Variants in LCORL observed in about 807,000 individuals in gnomAD.
LCORL encodes the protein ligand-dependent nuclear receptor corepressor-like protein.
LCORL carries 41 observed loss-of-function variants against 141.8 expected under a neutral mutation model. The observed-to-expected ratio is 0.29, with a 90% CI of 0.23 to 0.38. LCORL has a LOEUF of 0.38. LCORL is among the 10% of genes least tolerant of loss of function. The pLI is 1.00. For synonymous variants in LCORL, 618 were observed against 694.1 expected, an observed-to-expected ratio of 0.89 and a Z score of 1.72; for missense variants, 1,759 against 2,035.0, an observed-to-expected ratio of 0.86 and a Z score of 2.61.
intron 1 of LCORL, among the ~76,000 whole-genome samples, chr4:17,973,887 T>C (rs375453940): frequency 6.6e-6 from 1 of 152,054 alleles, no homozygotes; most frequent in African/African-American, 2.4e-5. Flanking sequence ...AAACATGAAC[T>C]ACTGATGCAT....
chr4:17,968,807 C>T (rs1715407224), intron 2 of LCORL, among the ~76,000 whole-genome samples: 1 of 151,958 alleles, frequency 6.6e-6, no homozygotes, highest in African/African-American at 2.4e-5. Flanking sequence ...ACTTTTTTAA[C>T]CATTAAAAAA....
In LCORL at chr4:18,014,782, T is replaced by G. The variant is rs187952480; in HGVS notation, c.154+6816A>C. On this transcript the variant is annotated intron_variant, in intron 1 of 7. Transcript: ENST00000635767. Reference sequence around the variant, plus strand: ...CATTAGTTTGTTAATCAGTTTTCTATGGGTAGCAGTAGGCTGGTCTGGGCC... The same window carrying G: ...CATTAGTTTGTTAATCAGTTTTCTAGGGGTAGCAGTAGGCTGGTCTGGGCC... Among the ~76,000 whole-genome samples, 323 of 152,362 alleles carry G rather than the reference T, an allele frequency of 2.1e-3. 1 individual carries two copies. The highest frequency in any genetic ancestry group is 3.6e-3 in the Non-Finnish European group (245 of 68,034).
chr4:17,970,347 C>T (rs1471262546), intron 2 of LCORL, among the ~76,000 whole-genome samples: 1 of 152,186 alleles, frequency 6.6e-6, no homozygotes, highest in Non-Finnish European at 1.5e-5. Context: ...AGCTATAAAA[C>T]AGCTAACCTG....
At chr4:18,002,722 A>G (rs1307288066) in intron 1 of LCORL, among the ~76,000 whole-genome samples, 4 of 152,204 alleles carry the variant, frequency 2.6e-5, no homozygotes, top group African/African-American at 9.6e-5. Context: ...ATTGAGATTC[A>G]TTATGCTTTC....
At chr4:17,943,248 A>G (rs557305195) in intron 4 of LCORL, among the ~76,000 whole-genome samples, 16 of 152,292 alleles carry the variant, frequency 1.1e-4, no homozygotes, top group Middle Eastern at 6.8e-3. Flanking sequence ...GAGACTAAAC[A>G]CTAAACCTTA....
intron 5 of LCORL, chr4:17,893,540 A>G (rs1277650975): frequency 1.0e-6 from 1 of 985,238 alleles, no homozygotes; most frequent in Non-Finnish European, 1.2e-6. Flanking sequence ...ATTCTTCAGA[A>G]AATGGTTTGG....
intron 4 of LCORL, among the ~76,000 whole-genome samples, chr4:17,939,773 T>C (rs926188714): frequency 2.0e-5 from 3 of 151,644 alleles, no homozygotes; most frequent in Non-Finnish European, 4.4e-5. Context: ...TAGAAAAGAA[T>C]AATGAAAGAG....
At chr4:17,918,399 C>CA (rs918593331) in intron 4 of LCORL, among the ~76,000 whole-genome samples, 7 of 150,850 alleles carry the variant, frequency 4.6e-5, no homozygotes, top group Non-Finnish European at 1.0e-4. Flanking sequence ...ACTTATTAGA[C>CA]AAAAAAAACT....
intron 4 of LCORL, among the ~76,000 whole-genome samples, chr4:17,917,475 G>A (rs1733636564): frequency 6.6e-6 from 1 of 152,274 alleles, no homozygotes; most frequent in Non-Finnish European, 1.5e-5. Context: ...TTACAGGCAT[G>A]AGCCACTGCG....
chr4:17,994,387 C>G (rs1342435877), intron 1 of LCORL, among the ~76,000 whole-genome samples: 1 of 152,146 alleles, frequency 6.6e-6, no homozygotes, highest in Non-Finnish European at 1.5e-5. Flanking sequence ...AATGTGGATA[C>G]TTCAGGTATT....
chr4:18,020,397 A>G (rs1286067374), intron 1 of LCORL: 1 of 151,870 alleles, frequency 6.6e-6, no homozygotes, highest in East Asian at 1.9e-4. Flanking sequence ...GCCACTATCC[A>G]CTGCTTACAC....
exon 8 of LCORL, chr4:17,843,172 C>A: frequency 1.0e-6 from 1 of 987,644 alleles, no homozygotes; most frequent in Non-Finnish European, 1.5e-6. Flanking sequence ...TAGTTTTAAG[C>A]TAAGTCAATG....
intron 5 of LCORL, among the ~76,000 whole-genome samples, chr4:17,908,401 C>CT (rs1732000211): frequency 1.3e-5 from 2 of 152,184 alleles, no homozygotes; most frequent in Non-Finnish European, 1.5e-5. Flanking sequence ...TTAATGATGA[C>CT]TTTTTTCTTA....
rs138602217 is a variant in LCORL, at chr4:17,861,037, G to A, written c.5602+12351C>T. The stretch of plus-strand genomic sequence containing the variant: ...CTTTGAGTGTCTGAGGCTTTTCCAG[G>A]TGTATGGTGCAAGCTTTTGGTGGAT... On this transcript the variant is annotated intron_variant, in intron 7 of 7. Coordinates refer to ENST00000635767, the Ensembl canonical transcript of LCORL. Among the ~76,000 whole-genome samples, 393 of 152,308 alleles carry A rather than the reference G, an allele frequency of 2.6e-3. 2 individuals carry two copies. The highest frequency in any genetic ancestry group is 8.7e-3 in the African/African-American group (360 of 41,568).
intron 4 of LCORL, among the ~76,000 whole-genome samples, chr4:17,957,071 G>A (rs994679337): frequency 1.1e-4 from 16 of 151,860 alleles, no homozygotes; most frequent in Non-Finnish European, 1.8e-4. Context: ...GGAAAACAGC[G>A]TTGGAAATGA....
At chr4:17,920,591 G>A (rs990539556) in intron 4 of LCORL, among the ~76,000 whole-genome samples, 1 of 152,166 alleles carries the variant, frequency 6.6e-6, no homozygotes, top group African/African-American at 2.4e-5. Flanking sequence ...TCTGTAGCAT[G>A]TGATGCTATT....
intron 4 of LCORL, among the ~76,000 whole-genome samples, chr4:17,911,077 T>G (rs1164646409): frequency 6.6e-6 from 1 of 152,144 alleles, no homozygotes; most frequent in Non-Finnish European, 1.5e-5. Context: ...CTACATTCAT[T>G]AAGACAGAAA....
chr4:17,897,822 TTG>T (rs1405563429), intron 5 of LCORL, among the ~76,000 whole-genome samples: 1 of 152,200 alleles, frequency 6.6e-6, no homozygotes, highest in Non-Finnish European at 1.5e-5. Flanking sequence ...CAGGCTCATC[TTG>T]TACATTTCCT....
intron 4 of LCORL, among the ~76,000 whole-genome samples, chr4:17,958,070 A>G (rs550196921): frequency 2.8e-4 from 43 of 152,132 alleles, no homozygotes; most frequent in Non-Finnish European, 4.9e-4. Context: ...AGTACAAAAC[A>G]AAACATTAAC....
Sources: gnomAD v4.1 joint callset for allele counts (sites outside exome capture counted in the v4.1 genomes callset) on GRCh38, gnomAD v4.1.1 for gene constraint, MANE v1.5 for transcripts, NCBI Gene and HGNC (gene_info 2026-07-23, HGNC 2026-07-21) for gene names.